SIK3: variants seen among roughly 807,000 people sequenced by gnomAD.
SIK3 encodes SIK family kinase 3.
Under a neutral mutation model 144.2 loss-of-function variants are expected in SIK3, and 28 were observed. The ratio of observed to expected loss-of-function variants is 0.19; its 90% confidence interval spans 0.14 to 0.27. SIK3 has a LOEUF of 0.27. Ranked by LOEUF, SIK3 falls within the 10% of genes least tolerant of loss-of-function variation. The probability of loss-of-function intolerance (pLI) is 1.00; values close to 1 mark genes in which losing one functional copy is unlikely to be tolerated. For synonymous variants in SIK3, 686 were observed against 676.3 expected, an observed-to-expected ratio of 1.01 and a Z score of -0.22; for missense variants, 1,319 against 1,776.0, an observed-to-expected ratio of 0.74 and a Z score of 4.62.
At chr11:116,898,454 T>C (rs1267553567) in intron 4 of SIK3, among the ~76,000 whole-genome samples, 2 of 151,878 alleles carry the variant, frequency 1.3e-5, no homozygotes, top group African/African-American at 2.4e-5. Context: ...TGTGTCTTTA[T>C]AGCAACATGA....
At chr11:116,962,634 G>T (rs1949389481) in intron 1 of SIK3, among the ~76,000 whole-genome samples, 1 of 152,026 alleles carries the variant, frequency 6.6e-6, no homozygotes, top group Admixed American at 6.6e-5. Flanking sequence ...ATCTACTCTA[G>T]AACATTCTCG....
chr11:116,941,542 T>C (rs1483551796), intron 3 of SIK3, among the ~76,000 whole-genome samples: 3 of 152,088 alleles, frequency 2.0e-5, no homozygotes, highest in African/African-American at 4.8e-5. Flanking sequence ...TTGTACACAA[T>C]GGTTATGCAA....
chr11:117,031,137 C>G (rs78787201), intron 1 of SIK3, among the ~76,000 whole-genome samples: 4 of 152,204 alleles, frequency 2.6e-5, no homozygotes, highest in East Asian at 1.9e-4. Context: ...CTTTAGCAGA[C>G]CAAAATGTTT....
At position 116,934,337 on chromosome 11, in the gene SIK3, A is replaced by G. The variant is rs190570487; in HGVS notation, c.455-6957T>C. 2.1e-3 allele frequency among the ~76,000 whole-genome samples: 325 copies of G among 152,282 alleles called. 2 individuals carry two copies. Among genetic ancestry groups the G allele is most frequent in the Non-Finnish European group, 3.2e-3 (216 of 68,020 alleles). Reference sequence around the variant, plus strand: ...CCTGTTTATTAAAACTATTTCCTGAACCTTAGATTTTATTAGCAAAATGAA... The same window carrying G: ...CCTGTTTATTAAAACTATTTCCTGAGCCTTAGATTTTATTAGCAAAATGAA... On this transcript the variant is annotated intron_variant, in intron 3 of 24. Transcript: ENST00000445177.
At chr11:116,896,768 A>G (rs1945423316) in intron 5 of SIK3, among the ~76,000 whole-genome samples, 3 of 152,184 alleles carry the variant, frequency 2.0e-5, no homozygotes, top group South Asian at 4.1e-4. Flanking sequence ...GCTCATGCCT[A>G]TAATCCCAGC....
In SIK3 at chr11:116,861,356, G is replaced by A; in HGVS notation, c.2343C>T (p.Pro781=). 6.3e-7 allele frequency: 1 copy of A among 1,597,142 alleles called. No individual in the cohort carries two copies. Among genetic ancestry groups the A allele is most frequent in the Non-Finnish European group, 8.5e-7 (1 of 1,174,510 alleles). The change falls in exon 19 of 25, where the codon CCC becomes CCT. Residue 781 remains proline, a synonymous_variant. Coordinates refer to ENST00000445177, the MANE Select transcript of SIK3 (RefSeq NM_001366686.3). ...QRLRIQPSSP[P]PNHPNNHLFR... The stretch of plus-strand genomic sequence containing the variant: ...AGAGATGGTTGTTGGGGTGGTTGGG[G>A]GGTGGGCTTGAAGGCTGAATCCTTA...
At chr11:116,894,244 T>C (rs1945279131) in intron 6 of SIK3, among the ~76,000 whole-genome samples, 1 of 152,186 alleles carries the variant, frequency 6.6e-6, no homozygotes, top group Non-Finnish European at 1.5e-5. Flanking sequence ...GTTTAATTCA[T>C]GGACCTCTTC....
intron 2 of SIK3, among the ~76,000 whole-genome samples, chr11:116,954,506 C>A (rs1327058664): frequency 6.6e-6 from 1 of 151,390 alleles, no homozygotes; most frequent in African/African-American, 2.4e-5. Context: ...CAAAAAGAAG[C>A]CTTTGGGGAA....
intron 4 of SIK3, among the ~76,000 whole-genome samples, chr11:116,905,563 C>T (rs951117160): frequency 7.9e-5 from 12 of 152,240 alleles, no homozygotes; most frequent in Admixed American, 5.9e-4. Context: ...TTATACATCC[C>T]TACCAGCAAC....
At chr11:117,010,834 T>G (rs779279889) in intron 1 of SIK3, among the ~76,000 whole-genome samples, 1 of 152,136 alleles carries the variant, frequency 6.6e-6, no homozygotes, top group Non-Finnish European at 1.5e-5. Context: ...AGAGACAAAA[T>G]GTAGGCCAGG....
chr11:117,018,963 T>C (rs566061212), intron 1 of SIK3, among the ~76,000 whole-genome samples: 130 of 151,802 alleles, frequency 8.6e-4, no homozygotes, highest in African/African-American at 2.8e-3. Context: ...CCACCCGCCT[T>C]GGCCTCCCAA....
intron 1 of SIK3, among the ~76,000 whole-genome samples, chr11:116,963,733 G>A (rs1402595487): frequency 6.6e-6 from 1 of 152,158 alleles, no homozygotes; most frequent in Non-Finnish European, 1.5e-5. Context: ...TGGGAGAACT[G>A]AGAAAATAGT....
intron 1 of SIK3, among the ~76,000 whole-genome samples, chr11:117,019,795 A>T (rs1951692251): frequency 6.6e-6 from 1 of 151,998 alleles, no homozygotes; most frequent in Non-Finnish European, 1.5e-5. Context: ...TGTATTTTTT[A>T]GTACAGACGG....
chr11:117,075,603 A>G (rs1954479539), intron 1 of SIK3, among the ~76,000 whole-genome samples: 1 of 141,846 alleles, frequency 7.0e-6, no homozygotes, highest in African/African-American at 2.7e-5. Context: ...GTGCAGTGGC[A>G]CGATCTCGGC....
intron 1 of SIK3, among the ~76,000 whole-genome samples, chr11:116,988,912 A>C (rs1281183483): frequency 5.9e-5 from 9 of 151,748 alleles, no homozygotes; most frequent in African/African-American, 9.7e-5. Flanking sequence ...TATGCCCTGT[A>C]CATCAATGAA....
At chr11:116,987,649 C>T (rs1241945178) in intron 1 of SIK3, among the ~76,000 whole-genome samples, 8 of 152,084 alleles carry the variant, frequency 5.3e-5, no homozygotes, top group African/African-American at 7.2e-5. Flanking sequence ...ATAAAAACTA[C>T]GCTTTAGATA....
At chr11:116,975,747 G>A (rs549213876) in intron 1 of SIK3, among the ~76,000 whole-genome samples, 8 of 152,236 alleles carry the variant, frequency 5.3e-5, no homozygotes, top group Admixed American at 1.3e-4. Context: ...GGGTTATATG[G>A]TAATTCCACT....
At chr11:117,030,934 A>G (rs894952385) in intron 1 of SIK3, among the ~76,000 whole-genome samples, 6 of 152,236 alleles carry the variant, frequency 3.9e-5, no homozygotes, top group Non-Finnish European at 8.8e-5. Flanking sequence ...ATGGGGTTAC[A>G]TGCCATCTGT....
chr11:116,973,524 T>A (rs1006647463), intron 1 of SIK3, among the ~76,000 whole-genome samples: 3 of 152,198 alleles, frequency 2.0e-5, no homozygotes, highest in Non-Finnish European at 4.4e-5. Context: ...CCAAACAAAG[T>A]TACTTTTTTC....
Sources: allele counts gnomAD v4.1 joint callset (sites outside exome capture counted in the v4.1 genomes callset), GRCh38; gene constraint gnomAD v4.1.1; transcripts MANE v1.5; gene names NCBI Gene and HGNC (gene_info 2026-07-23, HGNC 2026-07-21).